ANTXR1: variants seen among roughly 807,000 people sequenced by gnomAD.
ANTXR1 encodes ANTXR cell adhesion molecule 1, also known as anthrax toxin receptor 1.
In ANTXR1, 19 loss-of-function variants were observed where a neutral mutation model predicts 78.1. That is an observed-to-expected ratio of 0.24 (90% CI 0.17 to 0.36). The LOEUF is 0.36. Among genes scored for constraint, ANTXR1 ranks in the 10% least tolerant of loss-of-function variants. ANTXR1 has a pLI of 1.00. For synonymous variants in ANTXR1, 273 were observed against 260.5 expected (o/e 1.05, Z -0.46); for missense variants, 518 against 718.6 (o/e 0.72, Z 3.19).
intron 16 of ANTXR1, among the ~76,000 whole-genome samples, chr2:69,187,961 A>T (rs1252347837): frequency 6.7e-6 from 1 of 149,022 alleles, no homozygotes; most frequent in Non-Finnish European, 1.5e-5. Context: ...TACTCTCAGA[A>T]TTCTCAATCT....
chr2:69,115,479 A>C (rs77765279), intron 10 of ANTXR1, among the ~76,000 whole-genome samples: 4,989 of 152,284 alleles, frequency 0.033, 269 homozygotes, highest in African/African-American at 0.11. Context: ...AAATTTACAA[A>C]AGCCTATGAA....
intron 10 of ANTXR1, among the ~76,000 whole-genome samples, chr2:69,111,514 T>A (rs1302409126): frequency 6.6e-6 from 1 of 152,220 alleles, no homozygotes; most frequent in Admixed American, 6.5e-5. Flanking sequence ...AAAATTGAGT[T>A]TATAGGCCAT....
chr2:69,074,244 C>A (rs1181928072), intron 6 of ANTXR1, among the ~76,000 whole-genome samples: 1 of 152,194 alleles, frequency 6.6e-6, no homozygotes, highest in Non-Finnish European at 1.5e-5. Context: ...ATATGACAGA[C>A]ACTCCCTGAG....
chr2:69,162,451 T>C (rs1673705301), intron 13 of ANTXR1, among the ~76,000 whole-genome samples: 1 of 152,110 alleles, frequency 6.6e-6, no homozygotes, highest in South Asian at 2.1e-4. Flanking sequence ...GTTTTGTAAA[T>C]TGGAAGCTGA....
chr2:69,121,857 C>G (rs1349063924), intron 10 of ANTXR1, among the ~76,000 whole-genome samples: 2 of 152,172 alleles, frequency 1.3e-5, no homozygotes, highest in African/African-American at 2.4e-5. Context: ...TCAACCCTGT[C>G]TCTGGCCCCA....
At chr2:69,068,843 C>G (rs1670482629) in intron 3 of ANTXR1, among the ~76,000 whole-genome samples, 1 of 152,164 alleles carries the variant, frequency 6.6e-6, no homozygotes, top group African/African-American at 2.4e-5. Flanking sequence ...GTGGCTGGGA[C>G]AGTGGTGTTG....
At chr2:69,155,878 A>G (rs867544259) in intron 13 of ANTXR1, among the ~76,000 whole-genome samples, 38 of 152,192 alleles carry the variant, frequency 2.5e-4, no homozygotes, top group African/African-American at 8.9e-4. Flanking sequence ...TCCGATTAGC[A>G]ATGGGGACTG....
intron 8 of ANTXR1, 21 bp downstream of exon 8, chr2:69,077,509 G>A (rs1670771294): frequency 6.2e-7 from 1 of 1,613,360 alleles, no homozygotes; most frequent in Non-Finnish European, 8.5e-7. Context: ...CTCTTCCTCT[G>A]AGACTAGACA....
chr2:69,018,693 A>T (rs915307157), intron 1 of ANTXR1, among the ~76,000 whole-genome samples: 6 of 152,124 alleles, frequency 3.9e-5, no homozygotes, highest in Non-Finnish European at 8.8e-5. Context: ...TTGCCCAAGG[A>T]CCTAGGATTA....
intron 17 of ANTXR1, among the ~76,000 whole-genome samples, chr2:69,227,316 A>G (rs1416585328): frequency 6.6e-6 from 1 of 152,180 alleles, no homozygotes. Context: ...GAAACAGTCC[A>G]GAGGCTTCTG....
intron 2 of ANTXR1, 93 bp downstream of exon 2, chr2:69,040,208 G>A: frequency 8.5e-7 from 1 of 1,180,088 alleles, no homozygotes; most frequent in Non-Finnish European, 1.2e-6. Context: ...TACATACTTT[G>A]GGGATGTTTT....
At chr2:69,025,384 C>A (rs1347665102) in intron 1 of ANTXR1, among the ~76,000 whole-genome samples, 1 of 152,078 alleles carries the variant, frequency 6.6e-6, no homozygotes, top group African/African-American at 2.4e-5. Flanking sequence ...AGAGGAAAAA[C>A]CCTTAGTGTT....
intron 17 of ANTXR1, among the ~76,000 whole-genome samples, chr2:69,226,879 A>G (rs1037246928): frequency 1.3e-5 from 2 of 152,202 alleles, no homozygotes; most frequent in Non-Finnish European, 2.9e-5. Context: ...TACAGTCTCA[A>G]TATGAGTCCA....
At chr2:69,021,526 T>C (rs1361640195) in intron 1 of ANTXR1, among the ~76,000 whole-genome samples, 2 of 152,186 alleles carry the variant, frequency 1.3e-5, no homozygotes, top group Non-Finnish European at 2.9e-5. Context: ...TGATACCTCC[T>C]GCCACCATCA....
At chr2:69,137,524 T>A (rs1672946435) in intron 12 of ANTXR1, among the ~76,000 whole-genome samples, 1 of 152,040 alleles carries the variant, frequency 6.6e-6, no homozygotes, top group African/African-American at 2.4e-5. Context: ...GAAGCACAAT[T>A]ATAGGAAGAA....
intron 1 of ANTXR1, among the ~76,000 whole-genome samples, chr2:69,017,622 C>T (rs1671061155): frequency 6.6e-6 from 1 of 152,160 alleles, no homozygotes. Flanking sequence ...CACAATAGGG[C>T]ATTATTAGTG....
rs780694292 is a variant in ANTXR1, at chr2:69,245,412, C to T, written c.1622C>T (p.Pro541Leu). 1.3e-6 allele frequency: 2 copies of T among 1,583,294 alleles called. No individual in the cohort carries two copies. The highest frequency in any genetic ancestry group is 1.1e-5 in the South Asian group (1 of 87,786). Residue 541 changes from proline to leucine, a missense_variant, in exon 18 of 18, where the codon CCC becomes CTC. Pro to Leu is a moderately conservative substitution (Grantham distance 98). This residue lies in a region of ANTXR1 where 192 missense variants were observed against 230.2 expected (regional missense o/e 0.83). Coordinates refer to ENST00000303714, the MANE Select transcript of ANTXR1 (RefSeq NM_032208.3). ...ATCCCGTCCCCACCTTCCACCCTTC[C>T]CCCTCCTCCCCAGGCTCCACCTCCC... Reference protein sequence around the residue: ...PPIPSPPSTLPPPPQAPPPNR... With the variant: ...PPIPSPPSTLLPPPQAPPPNR...
At chr2:69,236,188 G>A (rs951291220) in intron 17 of ANTXR1, among the ~76,000 whole-genome samples, 2 of 152,074 alleles carry the variant, frequency 1.3e-5, no homozygotes, top group African/African-American at 4.8e-5. Flanking sequence ...TCTATAAAGA[G>A]CTCTTACAAA....
In ANTXR1 at chr2:69,151,186, CTTTTTTTT is replaced by C. The variant is rs59147668; in HGVS notation, c.952-967_952-960del. 4.4e-4 allele frequency among the ~76,000 whole-genome samples: 36 copies of C among 82,568 alleles called. 1 individual carries two copies. Among genetic ancestry groups the C allele is most frequent in the African/African-American group, 1.7e-3 (36 of 20,620 alleles). 54.2% of individuals were successfully genotyped at this position (82,568 alleles called of 152,430 possible). On this transcript the variant is annotated intron_variant, in intron 12 of 17. Coordinates refer to ENST00000303714, the MANE Select transcript of ANTXR1 (RefSeq NM_032208.3). ...CTGTACAAACATATCTGATTATTTT[CTTTTTTTT>C]TTTTTTTTTTTTTTTGAGACGGAGT... is the stretch of plus-strand genomic sequence containing the variant.
Sources: allele counts gnomAD v4.1 joint callset (sites outside exome capture counted in the v4.1 genomes callset), GRCh38; gene constraint gnomAD v4.1.1; regional missense constraint gnomAD v4.1.1; transcripts MANE v1.5; gene names NCBI Gene and HGNC (gene_info 2026-07-23, HGNC 2026-07-21).